The following SPSB1 variants were observed in gnomAD, a reference collection of about 807,000 sequenced individuals.
SPSB1 encodes the protein splA/ryanodine receptor domain and SOCS box containing 1, also known as SPRY domain-containing SOCS box protein 1.
SPSB1 carries 8 observed loss-of-function variants against 21.2 expected under a neutral mutation model. That is an observed-to-expected ratio of 0.38 (90% CI 0.22 to 0.68). SPSB1 has a LOEUF of 0.68. SPSB1 is among the 30% of genes least tolerant of loss of function. The pLI, the probability that SPSB1 is intolerant of heterozygous loss-of-function variation, is 0.53. For synonymous variants in SPSB1, 169 were observed against 161.7 expected, an observed-to-expected ratio of 1.05 and a Z score of -0.34; for missense variants, 242 against 377.8, an observed-to-expected ratio of 0.64 and a Z score of 2.98.
intron 1 of SPSB1, among the ~76,000 whole-genome samples, chr1:9,352,079 AG>A (rs1268944412): frequency 1.3e-5 from 2 of 151,922 alleles, no homozygotes; most frequent in African/African-American, 4.8e-5. Flanking sequence ...GGCTGGGGTG[AG>A]GGGGTGGAGG....
intron 1 of SPSB1, among the ~76,000 whole-genome samples, chr1:9,339,994 G>A (rs1259737303): frequency 7.7e-6 from 1 of 129,168 alleles, no homozygotes; most frequent in Admixed American, 7.4e-5. Flanking sequence ...GACCCCCACC[G>A]ACAGCCCTGA....
Position 9,319,135 on chromosome 1 carries a change from C to A in SPSB1, c.-150+26064C>A, listed in dbSNP as rs563164229. Reference sequence around the variant, plus strand: ...GGCAGAGGTTGCAGTGAGCCAAGATCACACCACTGCACTCTAGCCTGGGCA... The same window carrying A: ...GGCAGAGGTTGCAGTGAGCCAAGATAACACCACTGCACTCTAGCCTGGGCA... On this transcript the variant is annotated intron_variant, in intron 1 of 2. Coordinates refer to ENST00000328089, the MANE Select transcript of SPSB1 (RefSeq NM_025106.4). 4.6e-5 allele frequency among the ~76,000 whole-genome samples: 7 copies of A among 152,158 alleles called. No homozygotes were observed. In the East Asian group the frequency reaches 1.4e-3, roughly 29 times the overall value.
In SPSB1 at chr1:9,367,001, G is replaced by A. The variant is rs541134863; in HGVS notation, c.695-447G>A. ...GAGCTGGCTCCCATGTGTTCCGACC[G>A]ACAGGCCCCAATGGCAGCTGCTTGC... On this transcript the variant is annotated intron_variant, in intron 2 of 2. Coordinates refer to ENST00000328089, the MANE Select transcript of SPSB1 (RefSeq NM_025106.4). The surrounding 1 kb of genome is among the most constrained non-coding windows in gnomAD (Gnocchi z 5.9). Among the ~76,000 whole-genome samples, 3 of 152,362 alleles carry A rather than the reference G, an allele frequency of 2.0e-5. No homozygotes were observed. Among genetic ancestry groups the A allele is most frequent in the South Asian group, 4.1e-4 (2 of 4,832 alleles).
chr1:9,361,156 C>CTTTTTTTTTTTTTTT lies in SPSB1; in HGVS notation c.694+4584_694+4598dup, dbSNP rs57871457. ...CAGGCATGGCTGGATCTGTCATTTT[C>CTTTTTTTTTTTTTTT]TTTTTTTTTTTTTTTTTTTTTTTTT... On this transcript the variant is annotated intron_variant, in intron 2 of 2. Transcript: ENST00000328089. Among the ~76,000 whole-genome samples the CTTTTTTTTTTTTTTT allele has an allele frequency of 8.0e-4, 82 of 102,564 alleles. 6 individuals carry two copies. The highest frequency in any genetic ancestry group is 3.2e-3 in the African/African-American group (78 of 24,212). The allele number at this position is 102,564 out of a possible 152,430, so 67.3% of individuals were successfully genotyped here.
At chr1:9,349,578 G>A (rs993510336) in intron 1 of SPSB1, among the ~76,000 whole-genome samples, 1 of 152,246 alleles carries the variant, frequency 6.6e-6, no homozygotes, top group African/African-American at 2.4e-5. Flanking sequence ...GTGGGTGGAC[G>A]GCTTGCCTGC....
rs1640620939 is a variant in SPSB1 at position 9,369,001 on chromosome 1, G to A, written c.*1426G>A. 1 of 152,300 alleles carries A rather than the reference G, an allele frequency of 6.6e-6. No homozygotes were observed. Among genetic ancestry groups the A allele is most frequent in the Non-Finnish European group, 1.5e-5 (1 of 67,998 alleles). The allele number at this position is 152,300 out of a possible 1,614,324, so 9.4% of individuals were successfully genotyped here. Reference sequence around the variant, plus strand: ...CTAACTTTGGTTCATTTCTGCACAGGTACAATAGATGACTTTATTTGTTTA... The same window carrying A: ...CTAACTTTGGTTCATTTCTGCACAGATACAATAGATGACTTTATTTGTTTA... On this transcript the variant is annotated 3_prime_UTR_variant, in exon 3 of 3. Transcript: ENST00000328089.
Position 9,367,708 on chromosome 1 carries a change from A to C in SPSB1, c.*133A>C. ...GGACAGAGGTCCCTGGTCTTCCCTC[A>C]TCCTCCGTGGCTGCCTCCATGGGAC... On this transcript the variant is annotated 3_prime_UTR_variant, in exon 3 of 3. Transcript: ENST00000328089. The surrounding 1 kb of genome is among the most constrained non-coding windows in gnomAD (Gnocchi z 5.9). The C allele has an allele frequency of 7.4e-7, 1 of 1,358,000 alleles. No individual in the cohort carries two copies. The highest frequency in any genetic ancestry group is 9.8e-7 in the Non-Finnish European group (1 of 1,024,992). The allele number at this position is 1,358,000 out of a possible 1,614,324, so 84.1% of individuals were successfully genotyped here. A position where few individuals can be genotyped will look rare whatever the true frequency, so the allele number is the denominator to read the frequency against.
At chr1:9,340,851 C>T (rs1246216166) in intron 1 of SPSB1, among the ~76,000 whole-genome samples, 1 of 152,248 alleles carries the variant, frequency 6.6e-6, no homozygotes, top group Non-Finnish European at 1.5e-5. Flanking sequence ...CCCAGCAAGG[C>T]GAGCACATGA....
rs891754882 is a variant in SPSB1 at position 9,346,090 on chromosome 1, C to T, written c.-149-9653C>T. Among the ~76,000 whole-genome samples the T allele has an allele frequency of 2.0e-5, 3 of 152,198 alleles. No homozygotes were observed. Among genetic ancestry groups the T allele is most frequent in the Non-Finnish European group, 2.9e-5 (2 of 68,028 alleles). ...CAGTGAGCGGGCAGAGCCCAGGCAGCGGCTGAGCCAGGCTGCAGAGATTGA... is the reference window on the plus strand; with the variant it reads ...CAGTGAGCGGGCAGAGCCCAGGCAGTGGCTGAGCCAGGCTGCAGAGATTGA... On this transcript the variant is annotated intron_variant, in intron 1 of 2. Transcript: ENST00000328089. The surrounding 1 kb of genome is among the most constrained non-coding windows in gnomAD (Gnocchi z 4.4).
rs983534077 is a variant in SPSB1, at chr1:9,305,389, G to T, written c.-150+12318G>T. On this transcript the variant is annotated intron_variant, in intron 1 of 2. Transcript: ENST00000328089. This position sits in a 1 kb window ranked among gnomAD's most constrained non-coding sequence, Gnocchi z 4.8. ...AGCCATGCCAGGGACAGCTGCTGTTGTGGGCAGCCCAGTGACCTGTGGGCT... is the reference window on the plus strand; with the variant it reads ...AGCCATGCCAGGGACAGCTGCTGTTTTGGGCAGCCCAGTGACCTGTGGGCT... Among the ~76,000 whole-genome samples, 5 of 152,230 alleles carry T rather than the reference G, an allele frequency of 3.3e-5. No homozygotes were observed. The highest frequency in any genetic ancestry group is 1.3e-4 in the Admixed American group (2 of 15,280).
chr1:9,295,243 C>T (rs72642709), intron 1 of SPSB1, among the ~76,000 whole-genome samples: 142 of 141,398 alleles, frequency 1.0e-3, no homozygotes, highest in African/African-American at 2.9e-3. Context: ...TGTGTGTGTG[C>T]GCGCGTGCGG....
At chr1:9,316,038 G>A (rs1639607835) in intron 1 of SPSB1, among the ~76,000 whole-genome samples, 2 of 152,184 alleles carry the variant, frequency 1.3e-5, no homozygotes, top group Admixed American at 6.5e-5. Flanking sequence ...TGCAAACTGG[G>A]ACCAGGTGCC....
chr1:9,340,948 G>A (rs887140648), intron 1 of SPSB1, among the ~76,000 whole-genome samples: 2 of 152,166 alleles, frequency 1.3e-5, no homozygotes, highest in African/African-American at 4.8e-5. Flanking sequence ...AGCTCAAAAG[G>A]CCAGTCCTGG....
rs146610581 is a variant in SPSB1 at position 9,295,191 on chromosome 1, AGTGT to A, written c.-150+2134_-150+2137del. 3.4e-5 allele frequency among the ~76,000 whole-genome samples: 5 copies of A among 145,022 alleles called. No homozygotes were observed. In the East Asian group the frequency reaches 6.1e-4, roughly 18 times the overall value. On this transcript the variant is annotated intron_variant, in intron 1 of 2. Coordinates refer to ENST00000328089, the MANE Select transcript of SPSB1 (RefSeq NM_025106.4). The stretch of plus-strand genomic sequence containing the variant: ...AGGGAGCACTTTACCCAGTAGATGG[AGTGT>A]GTGTGTGTGTGTGAGAGTGTGAGTG...
At chr1:9,336,558 G>A (rs1171445854) in intron 1 of SPSB1, among the ~76,000 whole-genome samples, 3 of 152,140 alleles carry the variant, frequency 2.0e-5, no homozygotes, top group Admixed American at 6.6e-5. Context: ...TTCCCCCAAA[G>A]CAAAAGGAAG....
At chr1:9,359,625 C>T (rs892447194) in intron 2 of SPSB1, among the ~76,000 whole-genome samples, 2 of 150,598 alleles carry the variant, frequency 1.3e-5, no homozygotes, top group Admixed American at 6.7e-5. Context: ...TTGCTTGAAC[C>T]CGGGAGGTGG....
intron 1 of SPSB1, chr1:9,339,144 C>T (rs1483488535): frequency 2.7e-5 from 25 of 923,546 alleles, no homozygotes; most frequent in Middle Eastern, 1.1e-3. Context: ...GCGGGGGCTC[C>T]GGAGGTCCTG....
At chr1:9,359,554 T>C (rs1640431228) in intron 2 of SPSB1, among the ~76,000 whole-genome samples, 1 of 151,380 alleles carries the variant, frequency 6.6e-6, no homozygotes, top group South Asian at 2.1e-4. Context: ...ATGCAAAAAT[T>C]AGCCGGGCGT....
intron 1 of SPSB1, among the ~76,000 whole-genome samples, chr1:9,303,479 G>A (rs1299009057): frequency 8.5e-5 from 13 of 152,166 alleles, no homozygotes; most frequent in Non-Finnish European, 5.9e-5. Context: ...TTCAGAATAC[G>A]GTTGTATGCA....
Sources: allele counts gnomAD v4.1 joint callset (sites outside exome capture counted in the v4.1 genomes callset), GRCh38; gene constraint gnomAD v4.1.1; non-coding constraint Gnocchi (gnomAD v3.1); transcripts MANE v1.5; gene names NCBI Gene and HGNC (gene_info 2026-07-23, HGNC 2026-07-21).